The following RTF1 variants were observed in gnomAD, a reference collection of about 807,000 sequenced individuals.
RTF1 encodes RNA polymerase-associated protein RTF1 homolog.
RTF1 carries 10 observed loss-of-function variants against 95.7 expected under a neutral mutation model. The ratio of observed to expected loss-of-function variants is 0.10; its 90% CI spans 0.06 to 0.18. The LOEUF is 0.18. Among genes scored for constraint, RTF1 ranks in the 10% least tolerant of loss-of-function variants. RTF1 has a pLI of 1.00. For synonymous variants in RTF1, 305 were observed against 311.8 expected (o/e 0.98, Z 0.23); for missense variants, 458 against 875.6 (o/e 0.52, Z 6.02).
chr15:41,427,145 A>ATTTTT (rs1225127893), intron 1 of RTF1, among the ~76,000 whole-genome samples: 1 of 78,146 alleles, frequency 1.3e-5, no homozygotes, highest in Non-Finnish European at 2.2e-5. Flanking sequence ...TGGTCTACAA[A>ATTTTT]TTTTTTTTTT....
intron 4 of RTF1, among the ~76,000 whole-genome samples, chr15:41,460,779 C>A (rs1472065396): frequency 1.3e-5 from 2 of 151,734 alleles, no homozygotes; most frequent in African/African-American, 2.4e-5. Flanking sequence ...CTACAATTGC[C>A]ACCTCCTGGA....
intron 4 of RTF1, among the ~76,000 whole-genome samples, chr15:41,464,275 G>T (rs552384224): frequency 1.4e-5 from 2 of 147,794 alleles, no homozygotes; most frequent in African/African-American, 5.0e-5. Context: ...TTTTTGAAAC[G>T]GATTCTTGCT....
At chr15:41,442,111 G>A (rs2050738780) in intron 2 of RTF1, among the ~76,000 whole-genome samples, 1 of 151,906 alleles carries the variant, frequency 6.6e-6, no homozygotes, top group African/African-American at 2.4e-5. Context: ...GGGGACTTCT[G>A]AGAGATTCTT....
At chr15:41,442,071 ATT>A (rs1241217248) in intron 2 of RTF1, among the ~76,000 whole-genome samples, 10 of 152,012 alleles carry the variant, frequency 6.6e-5, no homozygotes, top group African/African-American at 2.4e-4. Flanking sequence ...GCTCAAACTT[ATT>A]GCTGCTGTGG....
At chr15:41,421,316 C>T (rs937640141) in intron 1 of RTF1, among the ~76,000 whole-genome samples, 4 of 152,056 alleles carry the variant, frequency 2.6e-5, no homozygotes, top group Admixed American at 2.6e-4. Context: ...ATTAGCCAGG[C>T]ATGGTGGTGC....
chr15:41,480,763 G>C lies in RTF1; in HGVS notation c.*76G>C. 9.6e-7 allele frequency: 1 copy of C among 1,046,924 alleles called. No individual in the cohort carries two copies. Among genetic ancestry groups the C allele is most frequent in the Non-Finnish European group, 1.5e-6 (1 of 673,252 alleles). 64.9% of individuals were successfully genotyped at this position (1,046,924 alleles called of 1,614,324 possible). ...ACCTTTCCTCCTTTCCTTTGATTTA[G>C]CCTCTTTGGGCTGGAGCAGCTGTTG... is the stretch of plus-strand genomic sequence containing the variant. On this transcript the variant is annotated 3_prime_UTR_variant, in exon 18 of 18. Coordinates refer to ENST00000389629, the MANE Select transcript of RTF1 (RefSeq NM_015138.5).
Position 41,464,898 on chromosome 15 carries a change from G to A in RTF1, c.777+13G>A, listed in dbSNP as rs1314826111. 1.3e-6 allele frequency: 2 copies of A among 1,522,600 alleles called. No individual in the cohort carries two copies. The highest frequency in any genetic ancestry group is 1.8e-6 in the Non-Finnish European group (2 of 1,139,844). The allele number at this position is 1,522,600 out of a possible 1,614,324, so 94.3% of individuals were successfully genotyped here. ...TCAAGAATCTCAGGTAGGAGATTCAGTGTTCCTCATTGTCCAAAGAATAAA... is the reference window on the plus strand; with the variant it reads ...TCAAGAATCTCAGGTAGGAGATTCAATGTTCCTCATTGTCCAAAGAATAAA... On this transcript the variant is annotated intron_variant, in intron 5 of 17. Coordinates refer to ENST00000389629, the MANE Select transcript of RTF1 (RefSeq NM_015138.5).
rs190861969 is a variant in RTF1, at chr15:41,443,961, T to G, written c.309+5530T>G. On this transcript the variant is annotated intron_variant, in intron 2 of 17. Transcript: ENST00000389629. ...CGGGCGCCTGTAGTCCCAGCTACTC[T>G]GGAGGCTGAGGCAGGAGAATGGCGT... 7.1e-3 allele frequency among the ~76,000 whole-genome samples: 1,075 copies of G among 150,922 alleles called. 16 individuals carry two copies. Among genetic ancestry groups the G allele is most frequent in the African/African-American group, 0.025 (1,013 of 41,128 alleles).
chr15:41,425,020 AAAG>A (rs971305013), intron 1 of RTF1, among the ~76,000 whole-genome samples: 53 of 152,210 alleles, frequency 3.5e-4, no homozygotes, highest in Admixed American at 1.7e-3. Context: ...CAAAAGAAAA[AAAG>A]AAAAAAATTT....
chr15:41,426,689 GCCCCCCCCCCCCCCCGCC>G (rs1566835709), intron 1 of RTF1, among the ~76,000 whole-genome samples: 22 of 4,500 alleles, frequency 4.9e-3, no homozygotes, highest in Non-Finnish European at 7.1e-3. Context: ...GATCCACCCC[GCCCCCCCCCCCCCCCGCC>G]CCCCCCCCCC....
In RTF1 at chr15:41,453,037, C is replaced by T. The variant is rs763379311; in HGVS notation, c.446C>T (p.Ala149Val). ...SDKDSSAESS[A>V]PEEGEVSDSD... is the part of the protein sequence containing the mutation. ...AAAGACAGTTCAGCTGAGAGCTCAGCCCCTGAGGAAGGTGAGCTGAGCAGC... is the reference window on the plus strand; with the variant it reads ...AAAGACAGTTCAGCTGAGAGCTCAGTCCCTGAGGAAGGTGAGCTGAGCAGC... Residue 149 changes from alanine to valine, a missense_variant, in exon 3 of 18, where the codon GCC becomes GTC. Transcript: ENST00000389629. 1 of 1,594,286 alleles carries T rather than the reference C, an allele frequency of 6.3e-7. No individual in the cohort carries two copies. Among genetic ancestry groups the T allele is most frequent in the Non-Finnish European group, 8.5e-7 (1 of 1,174,504 alleles).
intron 9 of RTF1, 93 bp downstream of exon 9, chr15:41,474,795 C>CAAGGAA: frequency 1.1e-6 from 1 of 908,516 alleles, no homozygotes; most frequent in Non-Finnish European, 1.9e-6. Context: ...TTCCTTGTTA[C>CAAGGAA]CATGAACGCT....
At chr15:41,474,987 G>C (rs1248199932) in intron 9 of RTF1, among the ~76,000 whole-genome samples, 1 of 152,176 alleles carries the variant, frequency 6.6e-6, no homozygotes, top group Non-Finnish European at 1.5e-5. Flanking sequence ...TCCTTGGCAA[G>C]CATGTCCAAG....
intron 1 of RTF1, among the ~76,000 whole-genome samples, chr15:41,435,022 G>A (rs1221533256): frequency 1.3e-4 from 19 of 150,428 alleles, no homozygotes; most frequent in Non-Finnish European, 2.5e-4. Context: ...GTGCAGTGGC[G>A]TGATCTCAGC....
Position 41,471,361 on chromosome 15 carries a change from T to C in RTF1, c.1203+12T>C, listed in dbSNP as rs1220386682. ...AACCAGTTTACCGGGTTGGTATTTC[T>C]TCCCTTGGACAATTGTCCATGCTTT... On this transcript the variant is annotated intron_variant, in intron 8 of 17. Coordinates refer to ENST00000389629, the MANE Select transcript of RTF1 (RefSeq NM_015138.5). 4 of 1,602,078 alleles carry C rather than the reference T, an allele frequency of 2.5e-6. No homozygotes were observed. In the Admixed American group the frequency reaches 6.9e-5, roughly 28 times the overall value.
In RTF1 at chr15:41,468,651, C is replaced by T. The variant is rs145308683; in HGVS notation, c.890-1606C>T. On this transcript the variant is annotated intron_variant, in intron 6 of 17. Coordinates refer to ENST00000389629, the MANE Select transcript of RTF1 (RefSeq NM_015138.5). The stretch of plus-strand genomic sequence containing the variant: ...ACTTCTAATCAGCTATTTAGTTACC[C>T]CCCAGGCACATTTTGAACAGGAAAG... Among the ~76,000 whole-genome samples the T allele has an allele frequency of 3.1e-3, 474 of 152,202 alleles. 3 individuals carry two copies. The highest frequency in any genetic ancestry group is 0.011 in the African/African-American group (451 of 41,536).
chr15:41,447,792 C>T (rs2050770983), intron 2 of RTF1, among the ~76,000 whole-genome samples: 1 of 152,074 alleles, frequency 6.6e-6, no homozygotes, highest in Non-Finnish European at 1.5e-5. Flanking sequence ...CTCATTTTCT[C>T]ATTCTTGGCT....
chr15:41,480,254 G>A lies in RTF1; in HGVS notation c.1955G>A (p.Ser652Asn), dbSNP rs2050965237. 5 of 1,613,854 alleles carry A rather than the reference G, an allele frequency of 3.1e-6. No homozygotes were observed. The Admixed American group carries it at 5.0e-5, about 16-fold the overall frequency. Residue 652 changes from serine to asparagine, a missense_variant, in exon 17 of 18, where the codon AGT (serine) becomes AAT (asparagine). Physicochemically the swap from Ser to Asn is conservative, Grantham distance 46 (BLOSUM62 1). Around this residue, in one of 11 missense-constraint regions of RTF1, gnomAD observed 50 missense variants for 100.0 expected, o/e 0.50. Coordinates refer to ENST00000389629, the MANE Select transcript of RTF1 (RefSeq NM_015138.5). The part of the protein sequence containing the change: ...KDKDLNSKSA[S>N]DLSEDLFKVH... Reference sequence around the variant, plus strand: ...AAAGATTTGAATTCTAAGTCAGCCAGTGACCTCTCAGAAGATCTGTTCAAA... The same window carrying A: ...AAAGATTTGAATTCTAAGTCAGCCAATGACCTCTCAGAAGATCTGTTCAAA...
intron 13 of RTF1, 81 bp downstream of exon 13, chr15:41,477,367 G>A: frequency 6.2e-7 from 1 of 1,612,592 alleles, no homozygotes; most frequent in South Asian, 1.1e-5. Flanking sequence ...ACTCTGTGCT[G>A]CACTGACCCC....
Sources: allele counts gnomAD v4.1 joint callset (sites outside exome capture counted in the v4.1 genomes callset), GRCh38; gene constraint gnomAD v4.1.1; regional missense constraint gnomAD v4.1.1; transcripts MANE v1.5; gene names NCBI Gene and HGNC (gene_info 2026-07-23, HGNC 2026-07-21).